RBFOX3: variants seen among roughly 807,000 people sequenced by gnomAD.
RBFOX3 encodes the protein RNA binding protein fox-1 homolog 3.
In RBFOX3, 17 loss-of-function variants were observed where a neutral mutation model predicts 48.7. The ratio of observed to expected loss-of-function variants is 0.35; its 90% confidence interval spans 0.24 to 0.52. The LOEUF is 0.52. Among genes scored for constraint, RBFOX3 ranks in the 20% least tolerant of loss-of-function variants. RBFOX3 has a pLI of 0.94. For missense variants in RBFOX3, 382 were observed against 497.5 expected, an observed-to-expected ratio of 0.77 and a Z score of 2.21; for synonymous variants, 212 against 209.5, an observed-to-expected ratio of 1.01 and a Z score of -0.10.
chr17:79,547,269 A>G (rs1555792192), intron 1 of RBFOX3, among the ~76,000 whole-genome samples: 1 of 152,030 alleles, frequency 6.6e-6, no homozygotes, highest in Non-Finnish European at 1.5e-5. Context: ...CAACACGGTG[A>G]AACTCCGTCT....
chr17:79,137,828 T>C (rs2040605673), intron 4 of RBFOX3, among the ~76,000 whole-genome samples: 1 of 152,216 alleles, frequency 6.6e-6, no homozygotes, highest in Non-Finnish European at 1.5e-5. Context: ...AGCCACACTC[T>C]GCCTTCTCAG....
At chr17:79,301,825 T>C (rs767744182) in intron 3 of RBFOX3, among the ~76,000 whole-genome samples, 2 of 152,138 alleles carry the variant, frequency 1.3e-5, no homozygotes, top group Admixed American at 6.5e-5. Flanking sequence ...GCCCCGAAGA[T>C]CTTATGCTGA....
At chr17:79,557,702 G>A (rs1009761784) in intron 1 of RBFOX3, among the ~76,000 whole-genome samples, 7 of 152,238 alleles carry the variant, frequency 4.6e-5, no homozygotes, top group African/African-American at 1.7e-4. Context: ...CACAGGCACA[G>A]GCTGAGGGAG....
At chr17:79,275,051 G>A (rs907666219) in intron 3 of RBFOX3, among the ~76,000 whole-genome samples, 3 of 141,278 alleles carry the variant, frequency 2.1e-5, no homozygotes, top group Non-Finnish European at 4.5e-5. Flanking sequence ...TTAGACTCTT[G>A]GCTGTGCTAC....
intron 4 of RBFOX3, among the ~76,000 whole-genome samples, chr17:79,223,204 GCACA>G (rs1327128703): frequency 6.6e-6 from 1 of 152,134 alleles, no homozygotes; most frequent in Non-Finnish European, 1.5e-5. Flanking sequence ...ACAGCAGACA[GCACA>G]CACAGTTGCC....
chr17:79,257,291 C>G (rs2065036458), intron 3 of RBFOX3, among the ~76,000 whole-genome samples: 1 of 152,206 alleles, frequency 6.6e-6, no homozygotes, highest in South Asian at 2.1e-4. Context: ...GACACCAGCA[C>G]AGGGATGCAT....
intron 4 of RBFOX3, among the ~76,000 whole-genome samples, chr17:79,221,962 C>T (rs928124818): frequency 2.6e-5 from 4 of 152,156 alleles, no homozygotes; most frequent in Non-Finnish European, 5.9e-5. Context: ...GCTCATGTTG[C>T]AAGCTCTAGA....
At position 79,477,034 on chromosome 17, in the gene RBFOX3, A is replaced by G. The variant is rs2077894645; in HGVS notation, c.-175+5420T>C. On this transcript the variant is annotated intron_variant, in intron 2 of 14. Coordinates refer to ENST00000693108, the MANE Select transcript of RBFOX3 (RefSeq NM_001350451.2). The surrounding 1 kb of genome is among the most constrained non-coding windows in gnomAD (Gnocchi z 4.8). ...GATCACTTGAGGTCAGGAGTTCGAG[A>G]CCAGCCTGGCCAACAGGGTGAAACC... Among the ~76,000 whole-genome samples, 1 of 151,718 alleles carries G rather than the reference A, an allele frequency of 6.6e-6. No homozygotes were observed. The highest frequency in any genetic ancestry group is 1.5e-5 in the Non-Finnish European group (1 of 67,980).
Position 79,387,710 on chromosome 17 carries a change from A to T in RBFOX3, c.-174-79886T>A, listed in dbSNP as rs560529778. ...TGGGTGCAGTGGGGCCACTTCTTTC[A>T]CTGGGAGCAGGAGGAAGATTCTTCT... On this transcript the variant is annotated intron_variant, in intron 2 of 14. Coordinates refer to ENST00000693108, the MANE Select transcript of RBFOX3 (RefSeq NM_001350451.2). Among the ~76,000 whole-genome samples the T allele has an allele frequency of 7.9e-5, 12 of 152,240 alleles. No individual in the cohort carries two copies. In the South Asian group the frequency reaches 2.5e-3, roughly 32 times the overall value.
intron 2 of RBFOX3, among the ~76,000 whole-genome samples, chr17:79,416,944 G>A (rs8069931): frequency 0.025 from 3,860 of 152,300 alleles, 160 homozygotes; most frequent in African/African-American, 0.088. Flanking sequence ...TTCCTTACCC[G>A]CATCCGAGGA....
At chr17:79,640,660 T>C in the RBFOX3 span, among the ~76,000 whole-genome samples, 3 of 152,112 alleles carry the variant, frequency 2.0e-5, no homozygotes, top group East Asian at 5.8e-4. Context: ...TCATTTATAA[T>C]CAACAGATCT....
At chr17:79,301,041 C>A (rs75501047) in intron 3 of RBFOX3, among the ~76,000 whole-genome samples, 1 of 152,148 alleles carries the variant, frequency 6.6e-6, no homozygotes, top group Non-Finnish European at 1.5e-5. Context: ...TGAAATCTTG[C>A]GGGCCACCAG....
chr17:79,344,130 T>C (rs1158195555), intron 2 of RBFOX3, among the ~76,000 whole-genome samples: 1 of 152,208 alleles, frequency 6.6e-6, no homozygotes, highest in Non-Finnish European at 1.5e-5. Flanking sequence ...ATGGGATGGA[T>C]GATTTGAGAA....
At chr17:79,485,739 C>T (rs1311444262) in intron 1 of RBFOX3, among the ~76,000 whole-genome samples, 1 of 152,232 alleles carries the variant, frequency 6.6e-6, no homozygotes, top group African/African-American at 2.4e-5. Flanking sequence ...CCGCCGAGTC[C>T]GGAGGGCAGG....
intron 4 of RBFOX3, among the ~76,000 whole-genome samples, chr17:79,146,867 G>T (rs1008574788): frequency 6.6e-6 from 1 of 152,212 alleles, no homozygotes; most frequent in Non-Finnish European, 1.5e-5. Context: ...GCCTGAGGAG[G>T]GCGGGTGCCC....
intron 1 of RBFOX3, among the ~76,000 whole-genome samples, chr17:79,528,029 T>C (rs2087038635): frequency 6.6e-6 from 1 of 152,202 alleles, no homozygotes; most frequent in African/African-American, 2.4e-5. Context: ...CTGAGGAGAA[T>C]CTTAGTTGAA....
chr17:79,606,206 T>G (rs980536899), intron 1 of RBFOX3, among the ~76,000 whole-genome samples: 4 of 152,164 alleles, frequency 2.6e-5, no homozygotes, highest in Non-Finnish European at 4.4e-5. Flanking sequence ...GGCCCCCACG[T>G]GTCTTACAGG....
intron 4 of RBFOX3, among the ~76,000 whole-genome samples, chr17:79,218,672 A>G (rs2606187): frequency 0.99 from 150,942 of 152,300 alleles, 74,802 homozygotes; most frequent in Middle Eastern, 1. Context: ...GCCGAGATGC[A>G]GGGAGGTCAG....
intron 2 of RBFOX3, among the ~76,000 whole-genome samples, chr17:79,376,695 G>T (rs1014736026): frequency 2.0e-5 from 3 of 152,220 alleles, no homozygotes; most frequent in Non-Finnish European, 4.4e-5. Flanking sequence ...AAGAGGAGGG[G>T]TGCAGATTCC....
Sources: gnomAD v4.1 joint callset for allele counts (sites outside exome capture counted in the v4.1 genomes callset) on GRCh38, gnomAD v4.1.1 for gene constraint, Gnocchi (gnomAD v3.1) non-coding constraint, MANE v1.5 for transcripts, NCBI Gene and HGNC (gene_info 2026-07-23, HGNC 2026-07-21) for gene names.